The following BSN variants were observed in gnomAD, a reference collection of about 807,000 sequenced individuals.
The protein encoded by BSN is bassoon presynaptic cytomatrix protein.
BSN carries 57 observed loss-of-function variants against 264.8 expected under a neutral mutation model. The observed-to-expected ratio is 0.22, with a 90% CI of 0.17 to 0.27. The LOEUF is 0.27. Ranked by LOEUF, BSN falls within the 10% of genes least tolerant of loss-of-function variation. BSN has a pLI of 1.00. For missense variants in BSN, 4,615 were observed against 5,232.5 expected (o/e 0.88, Z 3.64); for synonymous variants, 2,059 against 2,137.3 (o/e 0.96, Z 1.01).
intron 3 of BSN, among the ~76,000 whole-genome samples, chr3:49,648,544 T>C (rs1440627005): frequency 1.3e-5 from 2 of 152,252 alleles, no homozygotes; most frequent in South Asian, 2.1e-4. Context: ...GGAATTTCCA[T>C]TGTGTACACA....
chr3:49,612,388 G>A (rs189012486), intron 1 of BSN, among the ~76,000 whole-genome samples: 254 of 152,298 alleles, frequency 1.7e-3, no homozygotes, highest in Non-Finnish European at 3.0e-3. Flanking sequence ...GCCTGCCTCG[G>A]CCTCCCAAAG....
At chr3:49,621,713 C>A (rs150428708) in intron 1 of BSN, among the ~76,000 whole-genome samples, 25 of 151,884 alleles carry the variant, frequency 1.6e-4, no homozygotes, top group African/African-American at 5.3e-4. Context: ...TGAGTGGAGG[C>A]AGTTCTTTTA....
In BSN at chr3:49,601,006, C is replaced by G. The variant is rs1437642897; in HGVS notation, c.225-23969C>G. 3.3e-5 allele frequency among the ~76,000 whole-genome samples: 5 copies of G among 152,184 alleles called. No homozygotes were observed. The East Asian group carries it at 9.7e-4, about 29-fold the overall frequency. On this transcript the variant is annotated intron_variant, in intron 1 of 11. Coordinates refer to ENST00000296452, the MANE Select transcript of BSN (RefSeq NM_003458.4). ...GAGGTGACTGAGACAGAAGAATGGC[C>G]CCCCAGGAATGAGGAAGGAGTAGGT...
At position 49,625,996 on chromosome 3, in the gene BSN, C is replaced by A. The variant is rs1410050271; in HGVS notation, c.633+613C>A. Among the ~76,000 whole-genome samples, 2 of 152,198 alleles carry A rather than the reference C, an allele frequency of 1.3e-5. No homozygotes were observed. The highest frequency in any genetic ancestry group is 2.9e-5 in the Non-Finnish European group (2 of 68,036). ...GTAAAGAACCAGGCTGGGAACCAAG[C>A]ATTCACCAAGGATGACAGTGTCCTA... is the stretch of plus-strand genomic sequence containing the variant. On this transcript the variant is annotated intron_variant, in intron 2 of 11. Coordinates refer to ENST00000296452, the MANE Select transcript of BSN (RefSeq NM_003458.4). This position sits in a 1 kb window ranked among gnomAD's most constrained non-coding sequence, Gnocchi z 4.4.
chr3:49,639,843 C>T (rs1333998969), intron 2 of BSN, among the ~76,000 whole-genome samples: 1 of 152,228 alleles, frequency 6.6e-6, no homozygotes, highest in Non-Finnish European at 1.5e-5. Flanking sequence ...CCTGTGAGGA[C>T]AAAATGAGAG....
At chr3:49,582,758 T>C (rs1469860452) in intron 1 of BSN, among the ~76,000 whole-genome samples, 1 of 152,154 alleles carries the variant, frequency 6.6e-6, no homozygotes, top group Non-Finnish European at 1.5e-5. Flanking sequence ...TTTTTCACTA[T>C]TGAGTATTAT....
chr3:49,659,391 G>A (rs2052635323), intron 5 of BSN, among the ~76,000 whole-genome samples: 1 of 152,066 alleles, frequency 6.6e-6, no homozygotes. Context: ...AGAGTGAGGG[G>A]TTCAAAAGGC....
rs536782391 is a variant in BSN at position 49,610,482 on chromosome 3, G to A, written c.225-14493G>A. On this transcript the variant is annotated intron_variant, in intron 1 of 11. Coordinates refer to ENST00000296452, the MANE Select transcript of BSN (RefSeq NM_003458.4). ...GCCTGTAATCCCAGCTACTCAGGAGGCTGAGTCAGGAGAATTGCTTGAACC... is the reference window on the plus strand; with the variant it reads ...GCCTGTAATCCCAGCTACTCAGGAGACTGAGTCAGGAGAATTGCTTGAACC... 2.0e-5 allele frequency among the ~76,000 whole-genome samples: 3 copies of A among 150,236 alleles called. No homozygotes were observed. In the East Asian group the frequency reaches 5.9e-4, roughly 30 times the overall value.
intron 1 of BSN, among the ~76,000 whole-genome samples, chr3:49,582,952 CATTTATTT>C (rs36078084): frequency 2.4e-4 from 35 of 143,868 alleles, no homozygotes; most frequent in African/African-American, 6.9e-4. Context: ...TGGTGTATTA[CATTTATTT>C]ATTTATTTAT....
chr3:49,583,817 A>T (rs186230133), intron 1 of BSN, among the ~76,000 whole-genome samples: 1 of 152,200 alleles, frequency 6.6e-6, no homozygotes, highest in South Asian at 2.1e-4. Flanking sequence ...AATTTCATCT[A>T]AATTACCTAA....
intron 2 of BSN, among the ~76,000 whole-genome samples, chr3:49,639,735 G>T (rs577172607): frequency 6.6e-6 from 1 of 152,226 alleles, no homozygotes; most frequent in Non-Finnish European, 1.5e-5. Context: ...TAGGAGCTAC[G>T]CAGAGCTGTC....
intron 1 of BSN, among the ~76,000 whole-genome samples, chr3:49,572,592 G>A (rs1161831128): frequency 6.6e-6 from 1 of 152,158 alleles, no homozygotes; most frequent in African/African-American, 2.4e-5. Context: ...GGAGTGCAGT[G>A]GCGCGATCTC....
intron 1 of BSN, among the ~76,000 whole-genome samples, chr3:49,620,586 T>C (rs1282093927): frequency 6.6e-6 from 1 of 152,150 alleles, no homozygotes; most frequent in Non-Finnish European, 1.5e-5. Flanking sequence ...CAAAATCTCA[T>C]GGGGCCTTAT....
rs115198165 is a variant in BSN at position 49,651,240 on chromosome 3, G to A, written c.1986+161G>A. On this transcript the variant is annotated intron_variant, in intron 4 of 11. Coordinates refer to ENST00000296452, the MANE Select transcript of BSN (RefSeq NM_003458.4). This position sits in a 1 kb window ranked among gnomAD's most constrained non-coding sequence, Gnocchi z 5.4. ...AGAAGGAAAGTCTAGATGAGGTTCT[G>A]GCACGCTTGGAGACTGTGGGTTTTA... The A allele has an allele frequency of 2.7e-3, 1,994 of 744,380 alleles. 5 individuals are homozygous for A. Among genetic ancestry groups the A allele is most frequent in the Admixed American group, 4.5e-3 (146 of 32,408 alleles). The allele number at this position is 744,380 out of a possible 1,614,324, so 46.1% of individuals were successfully genotyped here. A position where few individuals can be genotyped will look rare whatever the true frequency, so the allele number is the denominator to read the frequency against.
chr3:49,572,025 G>A (rs561724374), intron 1 of BSN, among the ~76,000 whole-genome samples: 33 of 152,244 alleles, frequency 2.2e-4, no homozygotes, highest in Non-Finnish European at 4.3e-4. Context: ...CAGAGTCTGC[G>A]CAGGCTCTGA....
At position 49,642,842 on chromosome 3, in the gene BSN, G is replaced by A; in HGVS notation, c.1208G>A (p.Gly403Glu). ...GCTGGCCCAAAACCCTTGGGCTCAG[G>A]GCCCGGGCCTGGGCCAGCACCTGGA... ...KEAGPKPLGSGPGPGPAPGAK... is the reference protein window; with the variant it reads ...KEAGPKPLGSEPGPGPAPGAK... Residue 403 changes from glycine to glutamate, a missense_variant, in exon 3 of 12, where the codon GGG (glycine) becomes GAG (glutamate). Around this residue, in one of 3 missense-constraint regions of BSN, gnomAD observed 1,197 missense variants for 1,348.0 expected, o/e 0.89. Transcript: ENST00000296452. The surrounding 1 kb of genome is among the most constrained non-coding windows in gnomAD (Gnocchi z 7.0). 6.2e-7 allele frequency: 1 copy of A among 1,613,260 alleles called. No homozygotes were observed. The highest frequency in any genetic ancestry group is 1.7e-5 in the Admixed American group (1 of 60,006).
Position 49,656,252 on chromosome 3 carries a change from A to G in BSN, c.6696A>G (p.Gly2232=), listed in dbSNP as rs1284824326. 4.3e-6 allele frequency: 7 copies of G among 1,612,238 alleles called. No individual in the cohort carries two copies. Among genetic ancestry groups the G allele is most frequent in the Admixed American group, 1.7e-5 (1 of 59,918 alleles). ...TGTACAGGCCTTACGCATCTGGTGG[A>G]ATCACAGCCGTGCCACTCACCAGTC... ...GGMYRPYASG[G]ITAVPLTSLT... is the part of the protein sequence containing the mutation. The change falls in exon 5 of 12, where the codon GGA becomes GGG. Residue 2232 remains glycine, a synonymous_variant. Transcript: ENST00000296452.
intron 1 of BSN, among the ~76,000 whole-genome samples, chr3:49,593,798 G>A (rs983312404): frequency 8.2e-6 from 1 of 121,696 alleles, no homozygotes; most frequent in South Asian, 2.5e-4. Context: ...GTTTTGTTTT[G>A]TTTTTTGTTT....
At chr3:49,613,341 A>AGAGAGAGAGAGAGC (rs2052226242) in intron 1 of BSN, among the ~76,000 whole-genome samples, 1 of 150,414 alleles carries the variant, frequency 6.6e-6, no homozygotes, top group Admixed American at 6.6e-5. Flanking sequence ...AGAGAGAGAG[A>AGAGAGAGAGAGAGC]GAGAGAGAAG....
Sources: allele counts gnomAD v4.1 joint callset (sites outside exome capture counted in the v4.1 genomes callset), GRCh38; gene constraint gnomAD v4.1.1; regional missense constraint gnomAD v4.1.1; non-coding constraint Gnocchi (gnomAD v3.1); transcripts MANE v1.5; gene names NCBI Gene and HGNC (gene_info 2026-07-23, HGNC 2026-07-21).